ARHGAP24: variants seen among roughly 807,000 people sequenced by gnomAD.
ARHGAP24 encodes Rho GTPase activating protein 24, also known as rho GTPase-activating protein 24.
A neutral mutation model predicts 76.4 loss-of-function variants in ARHGAP24; 50 were observed. That is an observed-to-expected ratio of 0.65 (90% CI 0.52 to 0.83). The LOEUF (loss-of-function observed/expected upper bound fraction) is 0.83, where lower values mean the gene tolerates loss of function less well. ARHGAP24 is among the 40% of genes least tolerant of loss of function. The pLI, the probability that ARHGAP24 is intolerant of heterozygous loss-of-function variation, is 0.00. For synonymous variants in ARHGAP24, 345 were observed against 323.3 expected (o/e 1.07, Z -0.72); for missense variants, 930 against 914.2 (o/e 1.02, Z -0.22).
Position 85,534,701 on chromosome 4 carries a change from T to A in ARHGAP24, c.-20-35821T>A, listed in dbSNP as rs538466351. On this transcript the variant is annotated intron_variant, in intron 1 of 9. Coordinates refer to ENST00000395184, the MANE Select transcript of ARHGAP24 (RefSeq NM_001025616.3). ...GCCATATTGTTCTAATTCTTACCTG[T>A]GCATAATATTATTTGTTCAAAGCCT... 2.0e-5 allele frequency among the ~76,000 whole-genome samples: 3 copies of A among 152,158 alleles called. No individual in the cohort carries two copies. The East Asian group carries it at 5.8e-4, about 29-fold the overall frequency.
intron 3 of ARHGAP24, among the ~76,000 whole-genome samples, chr4:85,869,148 A>G (rs1348524919): frequency 6.6e-6 from 1 of 152,166 alleles, no homozygotes; most frequent in East Asian, 1.9e-4. Flanking sequence ...AGAAAATAAG[A>G]GAACACTTGC....
At chr4:85,964,698 T>C (rs1333613366) in intron 5 of ARHGAP24, among the ~76,000 whole-genome samples, 1 of 152,086 alleles carries the variant, frequency 6.6e-6, no homozygotes, top group East Asian at 1.9e-4. Context: ...TTTTTTTCAG[T>C]TTAGGGAGTT....
At chr4:85,600,124 G>A (rs1719985688) in intron 2 of ARHGAP24, among the ~76,000 whole-genome samples, 1 of 152,132 alleles carries the variant, frequency 6.6e-6, no homozygotes, top group Admixed American at 6.6e-5. Context: ...GAGGTCCAGG[G>A]TGAGAGGAGG....
chr4:85,613,703 C>T (rs1720464773), intron 2 of ARHGAP24, among the ~76,000 whole-genome samples: 1 of 152,162 alleles, frequency 6.6e-6, no homozygotes. Flanking sequence ...ACCTGCTTGC[C>T]TAAGTTTACA....
At chr4:85,652,311 A>C (rs1721976507) in intron 2 of ARHGAP24, among the ~76,000 whole-genome samples, 1 of 152,188 alleles carries the variant, frequency 6.6e-6, no homozygotes, top group African/African-American at 2.4e-5. Flanking sequence ...TATTTCTACT[A>C]CCGTATTGTC....
chr4:85,759,961 C>T (rs1409709170), intron 3 of ARHGAP24, among the ~76,000 whole-genome samples: 6 of 151,752 alleles, frequency 4.0e-5, no homozygotes, highest in African/African-American at 1.2e-4. Flanking sequence ...GGGAAGAAAA[C>T]GTGTCTCATT....
chr4:85,709,513 A>C (rs1029571801), intron 2 of ARHGAP24, among the ~76,000 whole-genome samples: 6 of 152,192 alleles, frequency 3.9e-5, no homozygotes, highest in African/African-American at 1.4e-4. Context: ...AAAAACCTCC[A>C]GCCATCATCA....
At chr4:85,666,913 G>T (rs11940664) in intron 2 of ARHGAP24, among the ~76,000 whole-genome samples, 14 of 152,298 alleles carry the variant, frequency 9.2e-5, no homozygotes, top group African/African-American at 2.6e-4. Flanking sequence ...ATACTGGGGG[G>T]TACCTCCCAG....
chr4:85,715,069 T>G (rs962652028), intron 2 of ARHGAP24, among the ~76,000 whole-genome samples: 1 of 152,104 alleles, frequency 6.6e-6, no homozygotes, highest in Admixed American at 6.6e-5. Context: ...TGTTACAGAG[T>G]AATTGGGTAA....
At chr4:85,640,517 C>G (rs910369994) in intron 2 of ARHGAP24, among the ~76,000 whole-genome samples, 3 of 152,140 alleles carry the variant, frequency 2.0e-5, no homozygotes, top group African/African-American at 7.2e-5. Context: ...TTAAAACATC[C>G]TACCTTAAGA....
intron 3 of ARHGAP24, among the ~76,000 whole-genome samples, chr4:85,862,910 G>A (rs1731981907): frequency 6.6e-6 from 1 of 152,084 alleles, no homozygotes; most frequent in African/African-American, 2.4e-5. Flanking sequence ...TCAGCACTTG[G>A]AGTATCGCAA....
chr4:85,737,759 C>G (rs941646479), intron 3 of ARHGAP24, among the ~76,000 whole-genome samples: 2 of 152,098 alleles, frequency 1.3e-5, no homozygotes, highest in Non-Finnish European at 2.9e-5. Flanking sequence ...TAACACCAAC[C>G]AACAATGTTA....
At chr4:85,774,582 G>A (rs1332573233) in intron 3 of ARHGAP24, among the ~76,000 whole-genome samples, 1 of 152,190 alleles carries the variant, frequency 6.6e-6, no homozygotes, top group Non-Finnish European at 1.5e-5. Flanking sequence ...TCTAGCAAAT[G>A]TAATCACATA....
intron 2 of ARHGAP24, among the ~76,000 whole-genome samples, chr4:85,667,532 C>T (rs550499685): frequency 6.6e-6 from 1 of 152,280 alleles, no homozygotes; most frequent in Non-Finnish European, 1.5e-5. Context: ...TCTGGCACTC[C>T]TTAGTGAGAT....
intron 2 of ARHGAP24, among the ~76,000 whole-genome samples, chr4:85,710,323 C>A (rs976922109): frequency 3.3e-5 from 5 of 152,054 alleles, no homozygotes; most frequent in Non-Finnish European, 5.9e-5. Context: ...GAAACTGGAC[C>A]CCTTCCTCAT....
At chr4:85,495,094 CAAAAAAAAAA>C (rs77619824) in intron 1 of ARHGAP24, among the ~76,000 whole-genome samples, 9 of 70,636 alleles carry the variant, frequency 1.3e-4, no homozygotes, top group Non-Finnish European at 2.5e-4. Flanking sequence ...GACTCCGTCT[CAAAAAAAAAA>C]AAAAAAAAAA....
intron 3 of ARHGAP24, among the ~76,000 whole-genome samples, chr4:85,900,356 T>C (rs10023650): frequency 0.7 from 106,344 of 152,138 alleles, 38,879 homozygotes; most frequent in East Asian, 0.99. Flanking sequence ...ACAAATAGTA[T>C]GCATTTACAG....
At chr4:85,643,981 G>T (rs1721626906) in intron 2 of ARHGAP24, among the ~76,000 whole-genome samples, 1 of 152,148 alleles carries the variant, frequency 6.6e-6, no homozygotes, top group South Asian at 2.1e-4. Flanking sequence ...GAAAGATGAT[G>T]CCTTTGACTT....
intron 8 of ARHGAP24, among the ~76,000 whole-genome samples, chr4:85,979,037 C>T (rs901729033): frequency 2.0e-5 from 3 of 152,034 alleles, no homozygotes; most frequent in African/African-American, 4.8e-5. Context: ...TAGAGTTTCC[C>T]GTAGTCTGGA....
Sources: gnomAD v4.1 joint callset for allele counts (sites outside exome capture counted in the v4.1 genomes callset) on GRCh38, gnomAD v4.1.1 for gene constraint, MANE v1.5 for transcripts, NCBI Gene and HGNC (gene_info 2026-07-23, HGNC 2026-07-21) for gene names.